The following AUTS2 variants were observed in gnomAD, a reference collection of about 807,000 sequenced individuals.
AUTS2 encodes autism susceptibility gene 2 protein.
Under a neutral mutation model 112.4 loss-of-function variants are expected in AUTS2, and 17 were observed. The observed-to-expected ratio is 0.15, with a 90% CI of 0.10 to 0.23. The LOEUF (loss-of-function observed/expected upper bound fraction) is 0.23, where lower values mean the gene tolerates loss of function less well. Among genes scored for constraint, AUTS2 ranks in the 10% least tolerant of loss-of-function variants. The pLI, the probability that AUTS2 is intolerant of heterozygous loss-of-function variation, is 1.00. For synonymous variants in AUTS2, 751 were observed against 702.7 expected (o/e 1.07, Z -1.09); for missense variants, 1,510 against 1,701.6 (o/e 0.89, Z 1.98).
chr7:70,671,248 G>T, intron 5 of AUTS2, among the ~76,000 whole-genome samples: 1 of 151,248 alleles, frequency 6.6e-6, no homozygotes, highest in East Asian at 1.9e-4. Flanking sequence ...AATGGCTTCT[G>T]GCCTTATTAC....
intron 1 of AUTS2, among the ~76,000 whole-genome samples, chr7:69,860,433 T>C (rs1408695605): frequency 6.6e-6 from 1 of 152,220 alleles, no homozygotes; most frequent in Non-Finnish European, 1.5e-5. Flanking sequence ...TATATTCTTA[T>C]GTGTGTGTCC....
chr7:70,792,144 TG>T lies in AUTS2; in HGVS notation c.*1149del, dbSNP rs1432406614. 7.6e-6 allele frequency: 1 copy of T among 131,356 alleles called. No homozygotes were observed. The highest frequency in any genetic ancestry group is 3.1e-5 in the African/African-American group (1 of 32,286). 8.1% of individuals were successfully genotyped at this position (131,356 alleles called of 1,614,324 possible). ...TGACGGATGTAAGGTGCACGTTTCC[TG>T]ATGTGACGCACTGTATTCCAGCTGG... On this transcript the variant is annotated 3_prime_UTR_variant, in exon 19 of 19. Coordinates refer to ENST00000342771, the MANE Select transcript of AUTS2 (RefSeq NM_015570.4).
rs1469689240 is a variant in AUTS2 at position 70,721,677 on chromosome 7, TC to T, written c.742+23058del. Among the ~76,000 whole-genome samples, 34 of 152,334 alleles carry T rather than the reference TC, an allele frequency of 2.2e-4. 1 individual carries two copies. The highest frequency in any genetic ancestry group is 2.0e-3 in the Admixed American group (30 of 15,298). The stretch of plus-strand genomic sequence containing the variant: ...AGTTCATGACCTGCTACTGGGCTAG[TC>T]AGATATTGACCCTGAGTCTATTGGA... On this transcript the variant is annotated intron_variant, in intron 6 of 18. Coordinates refer to ENST00000342771, the MANE Select transcript of AUTS2 (RefSeq NM_015570.4).
intron 6 of AUTS2, among the ~76,000 whole-genome samples, chr7:70,744,583 G>A (rs1032001711): frequency 1.3e-5 from 2 of 152,216 alleles, no homozygotes; most frequent in Non-Finnish European, 2.9e-5. Flanking sequence ...CCGGGGAACA[G>A]TAAGCCAGCC....
chr7:70,371,258 G>C (rs1792823718), intron 4 of AUTS2, among the ~76,000 whole-genome samples: 1 of 152,194 alleles, frequency 6.6e-6, no homozygotes, highest in Non-Finnish European at 1.5e-5. Flanking sequence ...TATAGCCCAG[G>C]TATCTGTAGT....
At chr7:69,670,332 C>T (rs1383904212) in intron 1 of AUTS2, among the ~76,000 whole-genome samples, 1 of 152,030 alleles carries the variant, frequency 6.6e-6, no homozygotes, top group Non-Finnish European at 1.5e-5. Context: ...GATCCTAATA[C>T]CCAATCCTTT....
intron 1 of AUTS2, among the ~76,000 whole-genome samples, chr7:69,746,994 G>T (rs923339108): frequency 6.6e-6 from 1 of 152,170 alleles, no homozygotes; most frequent in African/African-American, 2.4e-5. Context: ...TGGCATTTTT[G>T]TGTTTGAGTG....
intron 2 of AUTS2, among the ~76,000 whole-genome samples, chr7:70,096,086 A>C (rs1804181941): frequency 6.6e-6 from 1 of 152,154 alleles, no homozygotes; most frequent in African/African-American, 2.4e-5. Flanking sequence ...GGGATTTGTC[A>C]ACCTCTCTGA....
At chr7:69,767,714 T>A (rs1418080273) in intron 1 of AUTS2, among the ~76,000 whole-genome samples, 1 of 152,260 alleles carries the variant, frequency 6.6e-6, no homozygotes, top group Non-Finnish European at 1.5e-5. Flanking sequence ...ATGTGATCAT[T>A]TGCGGATTCC....
chr7:70,065,522 C>T (rs1414796336), intron 2 of AUTS2, among the ~76,000 whole-genome samples: 1 of 151,960 alleles, frequency 6.6e-6, no homozygotes, highest in African/African-American at 2.4e-5. Flanking sequence ...GGTGAAACCC[C>T]ATCCCTACTG....
At chr7:69,982,887 T>C (rs1392779780) in intron 2 of AUTS2, among the ~76,000 whole-genome samples, 1 of 152,200 alleles carries the variant, frequency 6.6e-6, no homozygotes, top group Non-Finnish European at 1.5e-5. Context: ...GAGATGACTT[T>C]TAAATATTTG....
chr7:69,916,552 A>T (rs184149562), intron 2 of AUTS2, among the ~76,000 whole-genome samples: 1 of 152,270 alleles, frequency 6.6e-6, no homozygotes, highest in Admixed American at 6.5e-5. Flanking sequence ...CAAACTCAGC[A>T]TATCTCACTT....
In AUTS2 at chr7:69,656,011, C is replaced by G. The variant is rs537541079; in HGVS notation, c.309+56049C>G. On this transcript the variant is annotated intron_variant, in intron 1 of 18. Coordinates refer to ENST00000342771, the MANE Select transcript of AUTS2 (RefSeq NM_015570.4). ...GCTGATGTCATATGCTCATCGTTGT[C>G]AAGAATTGAAAATTAAGATAGTGAT... 7.9e-5 allele frequency among the ~76,000 whole-genome samples: 12 copies of G among 152,320 alleles called. 1 individual carries two copies. The highest frequency in any genetic ancestry group is 7.8e-4 in the Admixed American group (12 of 15,302).
intron 4 of AUTS2, among the ~76,000 whole-genome samples, chr7:70,203,653 A>G (rs1436690029): frequency 6.8e-6 from 1 of 147,696 alleles, no homozygotes; most frequent in African/African-American, 2.5e-5. Context: ...CTTCTTTTGT[A>G]AGGAAGTAGA....
At chr7:70,400,470 G>A (rs2130119456) in intron 4 of AUTS2, among the ~76,000 whole-genome samples, 1 of 152,284 alleles carries the variant, frequency 6.6e-6, no homozygotes. Flanking sequence ...GACATTGAAG[G>A]CAGAGAAAAC....
rs117797601 is a variant in AUTS2 at position 69,683,225 on chromosome 7, G to A, written c.309+83263G>A. ...TATCCTAGTCTTTTAATATGCAAAC[G>A]CAGCTACCTGGCTGGTTGCCATGAT... On this transcript the variant is annotated intron_variant, in intron 1 of 18. Coordinates refer to ENST00000342771, the MANE Select transcript of AUTS2 (RefSeq NM_015570.4). Among the ~76,000 whole-genome samples the A allele has an allele frequency of 5.2e-3, 790 of 152,196 alleles. 7 individuals carry two copies. The highest frequency in any genetic ancestry group is 0.024 in the Admixed American group (361 of 15,294).
chr7:70,070,264 TATTTAA>T (rs2129562241), intron 2 of AUTS2, among the ~76,000 whole-genome samples: 1 of 152,248 alleles, frequency 6.6e-6, no homozygotes, highest in East Asian at 1.9e-4. Flanking sequence ...TATATGTGTT[TATTTAA>T]ATTTAAACAG....
At chr7:70,403,737 G>T (rs768053949) in intron 4 of AUTS2, among the ~76,000 whole-genome samples, 4 of 152,204 alleles carry the variant, frequency 2.6e-5, no homozygotes, top group Non-Finnish European at 5.9e-5. Context: ...CATAAGGAAG[G>T]CTTGGCAGAA....
At chr7:69,829,855 A>T (rs1248153189) in intron 1 of AUTS2, among the ~76,000 whole-genome samples, 1 of 152,146 alleles carries the variant, frequency 6.6e-6, no homozygotes, top group Non-Finnish European at 1.5e-5. Context: ...AGAACCAGAA[A>T]TGCCATTTGA....
Sources: allele counts gnomAD v4.1 joint callset (sites outside exome capture counted in the v4.1 genomes callset), GRCh38; gene constraint gnomAD v4.1.1; transcripts MANE v1.5; gene names NCBI Gene and HGNC (gene_info 2026-07-23, HGNC 2026-07-21).